The following APLP2 variants were observed in gnomAD, a reference collection of about 807,000 sequenced individuals.
APLP2 encodes the protein amyloid beta precursor like protein 2, also known as CDEI box-binding protein.
In APLP2, 53 loss-of-function variants were observed where a neutral mutation model predicts 89.9. The observed-to-expected ratio is 0.59, with a 90% CI of 0.47 to 0.74. The LOEUF (loss-of-function observed/expected upper bound fraction) is 0.74, where lower values mean the gene tolerates loss of function less well. Ranked by LOEUF, APLP2 falls within the 30% of genes least tolerant of loss-of-function variation. APLP2 has a pLI of 0.00. For missense variants in APLP2, 973 were observed against 975.9 expected, an observed-to-expected ratio of 1.00 and a Z score of 0.04; for synonymous variants, 372 against 348.6, an observed-to-expected ratio of 1.07 and a Z score of -0.75.
intron 3 of APLP2, among the ~76,000 whole-genome samples, chr11:130,111,233 A>C (rs1948518212): frequency 6.6e-6 from 1 of 152,160 alleles, no homozygotes; most frequent in African/African-American, 2.4e-5. Flanking sequence ...GTAAAACGGT[A>C]ACTGTTTGTT....
At chr11:130,120,952 CTGTCTTA>C in intron 4 of APLP2, 134 bp downstream of exon 4, 4 of 682,176 alleles carry the variant, frequency 5.9e-6, no homozygotes, top group Non-Finnish European at 1.1e-5. Context: ...ACAATTACTT[CTGTCTTA>C]TAAGTTAGAA....
At position 130,110,566 on chromosome 11, in the gene APLP2, T is replaced by G; in HGVS notation, c.308T>G (p.Val103Gly). 6.2e-7 allele frequency: 1 copy of G among 1,614,010 alleles called. No individual in the cohort carries two copies. Among genetic ancestry groups the G allele is most frequent in the East Asian group, 2.2e-5 (1 of 44,868 alleles). The change falls in exon 3 of 17, where the codon GTG becomes GGG. Residue 103 changes from valine to glycine, a missense_variant. Transcript: ENST00000338167. ...TATCCAGAGCTACAGATCACAAATG[T>G]GATGGAGGCAAACCAGCGGGTTAGT... ...EMYPELQITN[V>G]MEANQRVSID...
At chr11:130,131,578 A>C (rs114384574) in intron 11 of APLP2, among the ~76,000 whole-genome samples, 3 of 152,342 alleles carry the variant, frequency 2.0e-5, no homozygotes, top group African/African-American at 7.2e-5. Context: ...ATGTAGCAGA[A>C]GAGGAGAAAG....
chr11:130,100,495 A>G (rs1946761397), intron 1 of APLP2: 1 of 152,184 alleles, frequency 6.6e-6, no homozygotes, highest in Non-Finnish European at 1.5e-5. Flanking sequence ...ATATTTTGAA[A>G]AAACTTCCCT....
At chr11:130,083,405 T>G (rs1190860113) in intron 1 of APLP2, among the ~76,000 whole-genome samples, 1 of 152,190 alleles carries the variant, frequency 6.6e-6, no homozygotes, top group African/African-American at 2.4e-5. Context: ...AATGCAGTAT[T>G]GTTAACTGTA....
intron 1 of APLP2, among the ~76,000 whole-genome samples, chr11:130,083,021 C>CTTTTTTTTTTTTTTTTTTTTTTTTTTT (rs1469566240): frequency 1.3e-5 from 1 of 79,980 alleles, no homozygotes; most frequent in Non-Finnish European, 2.6e-5. Flanking sequence ...TGAAACTTTT[C>CTTTTTTTTTTTTTTTTTTTTTTTTTTT]TTTTCTTTTT....
At chr11:130,107,746 C>A (rs996463008) in intron 1 of APLP2, among the ~76,000 whole-genome samples, 2 of 152,128 alleles carry the variant, frequency 1.3e-5, no homozygotes, top group Non-Finnish European at 2.9e-5. Flanking sequence ...AAAAAGAGCC[C>A]GCGTTGCCAA....
chr11:130,071,584 G>A (rs994769846), intron 1 of APLP2, among the ~76,000 whole-genome samples: 1 of 152,022 alleles, frequency 6.6e-6, no homozygotes, highest in African/African-American at 2.4e-5. Context: ...GTTCACACTC[G>A]CACTCCACTT....
Position 130,142,073 on chromosome 11 carries a change from A to G in APLP2, c.2153A>G (p.Glu718Gly). 1 of 1,605,932 alleles carries G rather than the reference A, an allele frequency of 6.2e-7. No individual in the cohort carries two copies. The highest frequency in any genetic ancestry group is 8.5e-7 in the Non-Finnish European group (1 of 1,175,266). Residue 718 changes from glutamate (E) to glycine (G), a missense_variant and splice_region_variant, in exon 16 of 17, where the codon GAG becomes GGG. Glu to Gly is a moderately conservative substitution (Grantham distance 98). Coordinates refer to ENST00000338167, the MANE Select transcript of APLP2 (RefSeq NM_001142276.2). ...GGCACCATCAGCCACGGGATCGTGG[A>G]GGTGAGGAGCTGGGCTGCTGAGGGC... ...QYGTISHGIV[E>G]VDPMLTPEER...
intron 16 of APLP2, 38 bp from the exon 17 acceptor site, chr11:130,143,309 C>T (rs780156466): frequency 6.4e-7 from 1 of 1,574,720 alleles, no homozygotes; most frequent in Non-Finnish European, 8.7e-7. Flanking sequence ...AGGTCTCTTC[C>T]CAGACACCAC....
Position 130,123,677 on chromosome 11 carries a change from C to G in APLP2, c.988C>G (p.Leu330Val), listed in dbSNP as rs772688189. ...CGTGATGCCTCGTTGGTACTTCGAC[C>G]TCTCCAAGGGAAAGTGCGTGCGCTT... ...RAVMPRWYFD[L>V]SKGKCVRFIY... The change falls in exon 7 of 17, where the codon CTC becomes GTC. Residue 330 changes from leucine (L) to valine (V), a missense_variant. Physicochemically the swap from Leu to Val is conservative, Grantham distance 32 (BLOSUM62 1). Coordinates refer to ENST00000338167, the MANE Select transcript of APLP2 (RefSeq NM_001142276.2). This position sits in a 1 kb window ranked among gnomAD's most constrained non-coding sequence, Gnocchi z 4.0. The G allele has an allele frequency of 3.0e-5, 49 of 1,614,168 alleles. No individual in the cohort carries two copies. Among genetic ancestry groups the G allele is most frequent in the Non-Finnish European group, 3.8e-5 (45 of 1,180,058 alleles).
intron 1 of APLP2, among the ~76,000 whole-genome samples, chr11:130,078,736 C>G (rs1041736911): frequency 2.6e-5 from 4 of 152,018 alleles, no homozygotes; most frequent in Non-Finnish European, 4.4e-5. Context: ...CCCTTCTGCT[C>G]GGCTCTGTCA....
At position 130,069,917 on chromosome 11, in the gene APLP2, C is replaced by A; in HGVS notation, c.-61C>A. ...TTAGATGCTTCTGGGTCGCGGTGTGCTAAGCGAGGAGTCCGAGTGTGTGAG... is the reference window on the plus strand; with the variant it reads ...TTAGATGCTTCTGGGTCGCGGTGTGATAAGCGAGGAGTCCGAGTGTGTGAG... On this transcript the variant is annotated 5_prime_UTR_variant, in exon 1 of 17. Coordinates refer to ENST00000338167, the MANE Select transcript of APLP2 (RefSeq NM_001142276.2). The A allele has an allele frequency of 1.5e-6, 2 of 1,296,720 alleles. No homozygotes were observed. The highest frequency in any genetic ancestry group is 2.1e-6 in the Non-Finnish European group (2 of 951,070). The allele number at this position is 1,296,720 out of a possible 1,614,324, so 80.3% of individuals were successfully genotyped here.
At chr11:130,130,577 C>T (rs1215462631) in intron 11 of APLP2, among the ~76,000 whole-genome samples, 3 of 152,158 alleles carry the variant, frequency 2.0e-5, no homozygotes, top group African/African-American at 7.2e-5. Flanking sequence ...TTACTTTCAT[C>T]TACAGAGGTT....
intron 14 of APLP2, 47 bp downstream of exon 14, chr11:130,140,530 C>A: frequency 6.7e-7 from 1 of 1,491,426 alleles, no homozygotes; most frequent in South Asian, 1.3e-5. Context: ...TTTTGAGACT[C>A]ATTAGAGCGA....
chr11:130,069,935 T>C lies in APLP2; in HGVS notation c.-43T>C, dbSNP rs1206137745. 4 of 1,399,726 alleles carry C rather than the reference T, an allele frequency of 2.9e-6. No individual in the cohort carries two copies. Among genetic ancestry groups the C allele is most frequent in the Non-Finnish European group, 3.8e-6 (4 of 1,042,614 alleles). The allele number at this position is 1,399,726 out of a possible 1,614,324, so 86.7% of individuals were successfully genotyped here. A position where few individuals can be genotyped will look rare whatever the true frequency, so the allele number is the denominator to read the frequency against. On this transcript the variant is annotated 5_prime_UTR_variant, in exon 1 of 17. Coordinates refer to ENST00000338167, the MANE Select transcript of APLP2 (RefSeq NM_001142276.2). ...CGGTGTGCTAAGCGAGGAGTCCGAGTGTGTGAGCTTGAGAGCCGCGCGCTA... is the reference window on the plus strand; with the variant it reads ...CGGTGTGCTAAGCGAGGAGTCCGAGCGTGTGAGCTTGAGAGCCGCGCGCTA...
In APLP2 at chr11:130,123,801, T is replaced by A; in HGVS notation, c.1090+22T>A. The stretch of plus-strand genomic sequence containing the variant: ...ATGAGTAAGTCCTGCCTCGCGCTGG[T>A]CCCGTGCGGCAGCACCGTCCTGTCT... On this transcript the variant is annotated intron_variant, in intron 7 of 16. Transcript: ENST00000338167. This position sits in a 1 kb window ranked among gnomAD's most constrained non-coding sequence, Gnocchi z 4.0. 6.2e-7 allele frequency: 1 copy of A among 1,610,982 alleles called. No individual in the cohort carries two copies. The highest frequency in any genetic ancestry group is 1.7e-4 in the Middle Eastern group (1 of 6,038).
intron 6 of APLP2, 48 bp downstream of exon 6, chr11:130,122,561 C>T (rs766815517): frequency 1.2e-6 from 2 of 1,610,406 alleles, no homozygotes; most frequent in East Asian, 2.2e-5. Context: ...GGTAATTATT[C>T]ACTTAGACTT....
chr11:130,142,686 G>A (rs916489640), intron 16 of APLP2, among the ~76,000 whole-genome samples: 3 of 152,036 alleles, frequency 2.0e-5, no homozygotes, highest in African/African-American at 7.2e-5. Flanking sequence ...CGATCTCAGC[G>A]CACTGCAACC....
Sources: allele counts gnomAD v4.1 joint callset (sites outside exome capture counted in the v4.1 genomes callset), GRCh38; gene constraint gnomAD v4.1.1; non-coding constraint Gnocchi (gnomAD v3.1); transcripts MANE v1.5; gene names NCBI Gene and HGNC (gene_info 2026-07-23, HGNC 2026-07-21).